CSMD1: variants seen among roughly 807,000 people sequenced by gnomAD.
CSMD1 encodes the protein CUB and sushi domain-containing protein 1.
Under a neutral mutation model 417.5 loss-of-function variants are expected in CSMD1, and 213 were observed. The ratio of observed to expected loss-of-function variants is 0.51; its 90% CI spans 0.46 to 0.57. The LOEUF is 0.57. Among genes scored for constraint, CSMD1 ranks in the 20% least tolerant of loss-of-function variants. CSMD1 has a pLI of 0.00. For missense variants in CSMD1, 6,923 were observed against 4,529.7 expected (o/e 1.53, Z -15.17); for synonymous variants, 2,862 against 1,736.8 (o/e 1.65, Z -16.11).
chr8:4,398,963 C>T (rs1386835178), intron 3 of CSMD1, among the ~76,000 whole-genome samples: 6 of 152,126 alleles, frequency 3.9e-5, no homozygotes, highest in African/African-American at 9.7e-5. Flanking sequence ...TTTTTAAAAG[C>T]TTCTTCCAGG....
chr8:3,534,346 T>C (rs1236293623), intron 10 of CSMD1, among the ~76,000 whole-genome samples: 2 of 152,124 alleles, frequency 1.3e-5, no homozygotes, highest in Admixed American at 1.3e-4. Flanking sequence ...TCCACACTCC[T>C]CTCAGTTCTC....
At chr8:4,286,072 C>G (rs375661042) in intron 3 of CSMD1, among the ~76,000 whole-genome samples, 2 of 152,090 alleles carry the variant, frequency 1.3e-5, no homozygotes, top group Admixed American at 1.3e-4. Context: ...GTCCGAAATA[C>G]AGCTGGAGAA....
intron 6 of CSMD1, 87 bp downstream of exon 6, chr8:3,753,843 T>C (rs1797496790): frequency 3.5e-6 from 3 of 845,218 alleles, no homozygotes; most frequent in Non-Finnish European, 5.5e-6. Context: ...AAGCTATTTA[T>C]CCAACTCCTA....
chr8:3,351,151 T>C (rs1428465430), intron 21 of CSMD1, among the ~76,000 whole-genome samples: 3 of 152,236 alleles, frequency 2.0e-5, no homozygotes, highest in Non-Finnish European at 4.4e-5. Context: ...TATGTAATAA[T>C]AGCTCATTTA....
intron 18 of CSMD1, among the ~76,000 whole-genome samples, chr8:3,381,344 A>T (rs902893210): frequency 2.0e-5 from 3 of 152,226 alleles, no homozygotes; most frequent in Non-Finnish European, 4.4e-5. Context: ...AATTAACAAA[A>T]ATAAATTATT....
intron 1 of CSMD1, chr8:4,787,354 A>C: frequency 1.4e-6 from 1 of 732,798 alleles, no homozygotes; most frequent in South Asian, 1.5e-5. Flanking sequence ...GAGGTACTGA[A>C]CACTGGTAAA....
chr8:4,212,868 G>C (rs1800405419), intron 3 of CSMD1, among the ~76,000 whole-genome samples: 1 of 149,060 alleles, frequency 6.7e-6, no homozygotes, highest in South Asian at 2.1e-4. Context: ...CCATCCTACA[G>C]GAAGATGAGG....
intron 25 of CSMD1, among the ~76,000 whole-genome samples, chr8:3,302,923 G>A (rs73657803): frequency 6.6e-6 from 1 of 152,134 alleles, no homozygotes; most frequent in Non-Finnish European, 1.5e-5. Context: ...TCTGACTCAG[G>A]CTCTCCTACA....
chr8:3,846,221 C>T (rs1358867253), intron 5 of CSMD1, among the ~76,000 whole-genome samples: 4 of 152,078 alleles, frequency 2.6e-5, no homozygotes, highest in African/African-American at 9.7e-5. Context: ...TTGTTGCCAC[C>T]AGCATCATCA....
intron 10 of CSMD1, among the ~76,000 whole-genome samples, chr8:3,527,193 C>G (rs1381595838): frequency 6.6e-6 from 1 of 152,110 alleles, no homozygotes; most frequent in African/African-American, 2.4e-5. Context: ...ATATAAAACA[C>G]TATTATTTTT....
chr8:3,837,281 G>A (rs1371495941), intron 5 of CSMD1, among the ~76,000 whole-genome samples: 1 of 152,086 alleles, frequency 6.6e-6, no homozygotes, highest in Non-Finnish European at 1.5e-5. Flanking sequence ...TTAGATAGAT[G>A]AATCTCTTCA....
At chr8:4,013,861 G>C (rs557232298) in intron 4 of CSMD1, among the ~76,000 whole-genome samples, 2 of 152,140 alleles carry the variant, frequency 1.3e-5, no homozygotes, top group African/African-American at 2.4e-5. Flanking sequence ...GACAAGGGTA[G>C]CTAAAACAGA....
intron 3 of CSMD1, among the ~76,000 whole-genome samples, chr8:4,150,555 C>T (rs992500175): frequency 6.6e-6 from 1 of 152,286 alleles, no homozygotes; most frequent in African/African-American, 2.4e-5. Flanking sequence ...ATTAACATGA[C>T]CCTGCTGAAG....
chr8:4,853,794 A>T (rs1010551331), intron 1 of CSMD1, among the ~76,000 whole-genome samples: 6 of 152,190 alleles, frequency 3.9e-5, no homozygotes, highest in African/African-American at 1.4e-4. Flanking sequence ...ACTGCACCCC[A>T]CAAAGCCACA....
chr8:4,810,374 T>C (rs17432649), intron 1 of CSMD1, among the ~76,000 whole-genome samples: 22,300 of 152,248 alleles, frequency 0.15, 2,157 homozygotes, highest in Non-Finnish European at 0.22. Context: ...TTTTGATAAT[T>C]TATTCCATAG....
chr8:3,899,719 T>G (rs141977579), intron 5 of CSMD1, among the ~76,000 whole-genome samples: 391 of 152,268 alleles, frequency 2.6e-3, no homozygotes, highest in African/African-American at 9.0e-3. Context: ...ACTGTCCTGG[T>G]AGGCTGGCTG....
chr8:4,866,851 T>C (rs1386140775), intron 1 of CSMD1, among the ~76,000 whole-genome samples: 1 of 152,024 alleles, frequency 6.6e-6, no homozygotes, highest in Non-Finnish European at 1.5e-5. Flanking sequence ...ATTATAACTT[T>C]ACCATTAATA....
At chr8:3,306,153 G>C (rs1331636794) in intron 25 of CSMD1, among the ~76,000 whole-genome samples, 1 of 151,932 alleles carries the variant, frequency 6.6e-6, no homozygotes, top group Non-Finnish European at 1.5e-5. Flanking sequence ...TTTTTGTTAA[G>C]TTATAGGGTT....
intron 3 of CSMD1, among the ~76,000 whole-genome samples, chr8:4,195,344 A>T (rs1001355147): frequency 1.9e-4 from 29 of 152,224 alleles, no homozygotes; most frequent in African/African-American, 6.5e-4. Context: ...GGATAAGTTA[A>T]CAAATCACCC....
Sources: gnomAD v4.1 joint callset for allele counts (sites outside exome capture counted in the v4.1 genomes callset) on GRCh38, gnomAD v4.1.1 for gene constraint, MANE v1.5 for transcripts, NCBI Gene and HGNC (gene_info 2026-07-23, HGNC 2026-07-21) for gene names.